OBP2B: variants seen among roughly 807,000 people sequenced by gnomAD.
OBP2B encodes odorant binding protein 2B.
A neutral mutation model predicts 21.7 loss-of-function variants in OBP2B; 10 were observed. The observed-to-expected ratio is 0.46, with a 90% confidence interval of 0.28 to 0.78. The LOEUF is 0.78. OBP2B is among the 30% of genes least tolerant of loss of function. The pLI, the probability that OBP2B is intolerant of heterozygous loss-of-function variation, is 0.11. For missense variants in OBP2B, 153 were observed against 217.7 expected (o/e 0.70, Z 1.87); for synonymous variants, 73 against 91.5 (o/e 0.80, Z 1.16).
Position 133,208,207 on chromosome 9 carries a change from G to A in OBP2B, c.207-4C>T. 1 of 1,611,896 alleles carries A rather than the reference G, an allele frequency of 6.2e-7. No homozygotes were observed. Among genetic ancestry groups the A allele is most frequent in the Non-Finnish European group, 8.5e-7 (1 of 1,179,780 alleles). ...CTGGATGCACCTATCCTCCCTCCTG[G>A]AAAACAGGAGACACGCGGGCAGCGG... On this transcript the variant is annotated splice_polypyrimidine_tract_variant and splice_region_variant and intron_variant, in intron 2 of 6. Transcript: ENST00000372034.
chr9:133,215,839 T>C, the OBP2B span, among the ~76,000 whole-genome samples: 2 of 152,250 alleles, frequency 1.3e-5, no homozygotes, highest in African/African-American at 2.4e-5. Flanking sequence ...AAGATAGCTT[T>C]TGTAGCAAAT....
intron 1 of OBP2B, 121 bp from the exon 2 acceptor site, chr9:133,208,723 G>T (rs1833831914): frequency 6.7e-7 from 1 of 1,497,466 alleles, no homozygotes; most frequent in South Asian, 1.3e-5. Flanking sequence ...CTTAAAGGCA[G>T]GCTGTGTTCC....
upstream of OBP2B, among the ~76,000 whole-genome samples, chr9:133,212,276 A>G (rs1833923545): frequency 6.6e-6 from 1 of 152,258 alleles, no homozygotes; most frequent in Admixed American, 6.5e-5. Context: ...GCAACTAGAC[A>G]GAAAACCAGC....
At chr9:133,216,836 G>C in the OBP2B span, among the ~76,000 whole-genome samples, 1 of 152,136 alleles carries the variant, frequency 6.6e-6, no homozygotes, top group East Asian at 1.9e-4. Flanking sequence ...GAACAGGTCT[G>C]TCATTGCTGG....
At chr9:133,206,083 G>A in intron 5 of OBP2B, 143 bp from the exon 6 acceptor site, 1 of 892,282 alleles carries the variant, frequency 1.1e-6, no homozygotes, top group Non-Finnish European at 1.8e-6. Flanking sequence ...CCAGAGCGCG[G>A]AGCCCCAGAC....
At chr9:133,218,201 T>A in the OBP2B span, among the ~76,000 whole-genome samples, 1 of 152,106 alleles carries the variant, frequency 6.6e-6, no homozygotes, top group African/African-American at 2.4e-5. Context: ...GGCAGGAGCA[T>A]CCAGTGCCAG....
chr9:133,206,227 C>T lies in OBP2B; in HGVS notation c.490+88G>A, dbSNP rs1250332007. ...CGGGGCACACGGGGAATGCGGGGGA[C>T]ATGGGAGGACATGGGGGTCATGGGA... is the stretch of plus-strand genomic sequence containing the variant. On this transcript the variant is annotated intron_variant, in intron 5 of 6. Transcript: ENST00000372034. 2.9e-6 allele frequency: 4 copies of T among 1,403,090 alleles called. No individual in the cohort carries two copies. In the East Asian group the frequency reaches 6.9e-5, roughly 24 times the overall value. 86.9% of individuals were successfully genotyped at this position (1,403,090 alleles called of 1,614,324 possible).
In OBP2B at chr9:133,205,940, C is replaced by A. The variant is rs1833691799; in HGVS notation, c.491G>T (p.Gly164Val). 6.2e-7 allele frequency: 1 copy of A among 1,613,800 alleles called. No individual in the cohort carries two copies. The highest frequency in any genetic ancestry group is 8.5e-7 in the Non-Finnish European group (1 of 1,179,838). Reference protein sequence around the residue: ...EEDIFTPLQTGSCVPEH With the variant: ...EEDIFTPLQTVSCVPEH ...ACCCTAGTGTTCGGGAACGCAGCTT[C>A]CTGCAGAGACCAAGAAAAACCCAGG... The change falls in exon 6 of 7, where the codon GGA becomes GTA. Residue 164 changes from glycine to valine, a missense_variant and splice_region_variant. Physicochemically the swap from Gly to Val is moderately radical, Grantham distance 109 (BLOSUM62 -3). Transcript: ENST00000372034.
chr9:133,220,805 T>C, the OBP2B span, among the ~76,000 whole-genome samples: 84 of 152,304 alleles, frequency 5.5e-4, no homozygotes, highest in African/African-American at 1.8e-3. Context: ...GGCCCACTGT[T>C]ATCACAGGGG....
At chr9:133,206,266 AGACAGACACAGC>A in intron 5 of OBP2B, 37 bp downstream of exon 5, 1 of 1,566,458 alleles carries the variant, frequency 6.4e-7, no homozygotes, top group South Asian at 1.1e-5. Flanking sequence ...TGGAGATAGC[AGACAGACACAGC>A]AGAGGGACAC....
intron 5 of OBP2B, 110 bp downstream of exon 5, chr9:133,206,205 G>A: frequency 7.7e-7 from 1 of 1,306,002 alleles, no homozygotes; most frequent in Non-Finnish European, 1.1e-6. Context: ...GGAGACTCGG[G>A]GCACACGGGG....
chr9:133,215,096 G>T, the OBP2B span, among the ~76,000 whole-genome samples: 2 of 152,062 alleles, frequency 1.3e-5, no homozygotes, highest in Non-Finnish European at 2.9e-5. Context: ...CAGGATACAA[G>T]ATAAATATAC....
chr9:133,214,112 A>G (rs1833946531), upstream of OBP2B, among the ~76,000 whole-genome samples: 1 of 152,272 alleles, frequency 6.6e-6, no homozygotes, highest in African/African-American at 2.4e-5. Flanking sequence ...GAAAAATTAC[A>G]TGATCATATC....
At position 133,208,549 on chromosome 9, in the gene OBP2B, C is replaced by T. The variant is rs781888386; in HGVS notation, c.126G>A (p.Glu42=). 6.2e-7 allele frequency: 1 copy of T among 1,613,348 alleles called. No homozygotes were observed. The highest frequency in any genetic ancestry group is 1.3e-5 in the African/African-American group (1 of 74,974). The change falls in exon 2 of 7, where the codon GAG becomes GAA. Residue 42 remains glutamate, a synonymous_variant. Transcript: ENST00000372034. ...GGGACACCTTCCTGGGCCTCCTGTC[C>T]TCCGGAAAGTCCTTATCGACCACCA... ...KAMVVDKDFP[E]DRRPRKVSPV...
At chr9:133,218,346 G>A in the OBP2B span, among the ~76,000 whole-genome samples, 1 of 152,234 alleles carries the variant, frequency 6.6e-6, no homozygotes, top group East Asian at 1.9e-4. Flanking sequence ...GGACCACCAC[G>A]AGGACTTCAG....
upstream of OBP2B, among the ~76,000 whole-genome samples, chr9:133,209,764 CA>C (rs1304669162): frequency 2.6e-5 from 4 of 152,274 alleles, no homozygotes; most frequent in East Asian, 7.7e-4. This position sits in a 1 kb window ranked among gnomAD's most constrained non-coding sequence, Gnocchi z 6.0. Context: ...TGATTTTCCC[CA>C]CCTGGACCCT....
At chr9:133,217,737 G>A in the OBP2B span, among the ~76,000 whole-genome samples, 1 of 152,204 alleles carries the variant, frequency 6.6e-6, no homozygotes, top group African/African-American at 2.4e-5. Flanking sequence ...CCTCTGCCCT[G>A]ACCGTGGGCC....
At chr9:133,206,641 G>A (rs1301863343) in intron 4 of OBP2B, among the ~76,000 whole-genome samples, 1 of 150,196 alleles carries the variant, frequency 6.7e-6, no homozygotes, top group Non-Finnish European at 1.5e-5. Flanking sequence ...GGGTGGGGCC[G>A]GGGACAGAAG....
At chr9:133,209,889 A>C (rs1449264609), upstream of OBP2B, among the ~76,000 whole-genome samples, 2 of 151,746 alleles carry the variant, frequency 1.3e-5, no homozygotes, top group Non-Finnish European at 2.9e-5. This position sits in a 1 kb window ranked among gnomAD's most constrained non-coding sequence, Gnocchi z 6.0. Flanking sequence ...ACCCCGCTTC[A>C]CTCCGTACCG....
Sources: allele counts gnomAD v4.1 joint callset (sites outside exome capture counted in the v4.1 genomes callset), GRCh38; gene constraint gnomAD v4.1.1; non-coding constraint Gnocchi (gnomAD v3.1); transcripts MANE v1.5; gene names NCBI Gene and HGNC (gene_info 2026-07-23, HGNC 2026-07-21).